IFNLR1: variants seen among roughly 807,000 people sequenced by gnomAD.
The protein encoded by IFNLR1 is CRF2-12.
IFNLR1 carries 28 observed loss-of-function variants against 52.5 expected under a neutral mutation model. The ratio of observed to expected loss-of-function variants is 0.53; its 90% CI spans 0.40 to 0.73. IFNLR1 has a LOEUF of 0.73. IFNLR1 is among the 30% of genes least tolerant of loss of function. The pLI, the probability that IFNLR1 is intolerant of heterozygous loss-of-function variation, is 0.00. For synonymous variants in IFNLR1, 276 were observed against 274.9 expected (o/e 1.00, Z -0.04); for missense variants, 623 against 659.1 (o/e 0.95, Z 0.60).
chr1:24,184,852 C>T (rs1372286979), intron 1 of IFNLR1, among the ~76,000 whole-genome samples: 1 of 152,094 alleles, frequency 6.6e-6, no homozygotes, highest in Non-Finnish European at 1.5e-5. Flanking sequence ...AACCACGTCT[C>T]TTCTAAAAAT....
At chr1:24,168,965 A>G (rs1569662564) in intron 3 of IFNLR1, among the ~76,000 whole-genome samples, 1 of 152,120 alleles carries the variant, frequency 6.6e-6, no homozygotes, top group South Asian at 2.1e-4. Context: ...GGTGGTCTCA[A>G]ACTCCTGACC....
At chr1:24,169,249 G>A (rs1259646122) in intron 3 of IFNLR1, among the ~76,000 whole-genome samples, 168 bp downstream of exon 3, 1 of 152,112 alleles carries the variant, frequency 6.6e-6, no homozygotes. Flanking sequence ...ATGGTCCCTC[G>A]CTGTTGCTGG....
chr1:24,181,154 C>A lies in IFNLR1; in HGVS notation c.59-300G>T, dbSNP rs116354145. Among the ~76,000 whole-genome samples, 638 of 152,336 alleles carry A rather than the reference C, an allele frequency of 4.2e-3. 7 individuals are homozygous for A. Among genetic ancestry groups the A allele is most frequent in the African/African-American group, 0.014 (563 of 41,560 alleles). On this transcript the variant is annotated intron_variant, in intron 1 of 6. Transcript: ENST00000327535. ...CAAGGACCAGGGGCTCTGTCCTGTT[C>A]TCAGCCACATCCCCAGAGCCTGCCT...
At chr1:24,159,382 T>C (rs113804319) in intron 5 of IFNLR1, 92 bp downstream of exon 5, 1 of 1,336,076 alleles carries the variant, frequency 7.5e-7, no homozygotes, top group South Asian at 1.3e-5. Context: ...TCCAGGCGAG[T>C]CTATCTCTAG....
Position 24,187,230 on chromosome 1 carries a change from A to T in IFNLR1, c.19T>A (p.Trp7Arg). MAGPER[W>R]GPLLLCLLQA... ...AGCAGGCACAGGAGCAGGGGGCCCC[A>T]GCGCTCGGGCCCCGCCATGGCCTTC... Residue 7 changes from tryptophan to arginine, a missense_variant, in exon 1 of 7, where the codon TGG (tryptophan) becomes AGG (arginine). Trp to Arg is a moderately radical substitution (Grantham distance 101). Transcript: ENST00000327535. 1.1e-5 allele frequency: 14 copies of T among 1,288,788 alleles called. No homozygotes were observed. The highest frequency in any genetic ancestry group is 1.4e-5 in the Non-Finnish European group (14 of 1,017,794). 79.8% of individuals were successfully genotyped at this position (1,288,788 alleles called of 1,614,324 possible). A position where few individuals can be genotyped will look rare whatever the true frequency, so the allele number is the denominator to read the frequency against.
chr1:24,158,179 G>A (rs1644403183), intron 6 of IFNLR1, among the ~76,000 whole-genome samples: 1 of 152,204 alleles, frequency 6.6e-6, no homozygotes, highest in South Asian at 2.1e-4. Flanking sequence ...ACGCTCCTGG[G>A]CTATTTACCC....
In IFNLR1 at chr1:24,169,618, G is replaced by T. The variant is rs754647312; in HGVS notation, c.183-17C>A. 6.2e-7 allele frequency: 1 copy of T among 1,608,328 alleles called. No individual in the cohort carries two copies. The highest frequency in any genetic ancestry group is 1.3e-5 in the African/African-American group (1 of 74,786). ...GTGGGAGAGCTGGGGGAGGAGAGAG[G>T]AGAGCTTGGGCCATGGACTCAGCCT... On this transcript the variant is annotated splice_polypyrimidine_tract_variant and intron_variant, in intron 2 of 6. Coordinates refer to ENST00000327535, the MANE Select transcript of IFNLR1 (RefSeq NM_170743.4).
chr1:24,179,831 T>G lies in IFNLR1; in HGVS notation c.182+900A>C, dbSNP rs1193514880. ...TTCCTGCTTTCCCCTCCTCACCAAC[T>G]CCAGGTGAATCCTCCCGAGCTTCTG... On this transcript the variant is annotated intron_variant, in intron 2 of 6. Coordinates refer to ENST00000327535, the MANE Select transcript of IFNLR1 (RefSeq NM_170743.4). Among the ~76,000 whole-genome samples, 3 of 152,098 alleles carry G rather than the reference T, an allele frequency of 2.0e-5. No individual in the cohort carries two copies. The South Asian group carries it at 6.2e-4, about 32-fold the overall frequency.
intron 1 of IFNLR1, among the ~76,000 whole-genome samples, chr1:24,182,036 C>T (rs915324503): frequency 2.6e-5 from 4 of 152,058 alleles, no homozygotes; most frequent in African/African-American, 9.7e-5. Flanking sequence ...CTCGTCTCTA[C>T]TAAAAATGCA....
In IFNLR1 at chr1:24,156,618, C is replaced by G. The variant is rs577653508; in HGVS notation, c.*512G>C. Reference sequence around the variant, plus strand: ...TTCCCTTCCCATCCAAAACCCTCAGCCAACTGGATTTTTATCTGGGCCTAA... The same window carrying G: ...TTCCCTTCCCATCCAAAACCCTCAGGCAACTGGATTTTTATCTGGGCCTAA... On this transcript the variant is annotated 3_prime_UTR_variant, in exon 7 of 7. Transcript: ENST00000327535. The G allele has an allele frequency of 1.5e-4, 23 of 154,550 alleles. No individual in the cohort carries two copies. Among genetic ancestry groups the G allele is most frequent in the African/African-American group, 4.8e-4 (20 of 41,600 alleles). 9.6% of individuals were successfully genotyped at this position (154,550 alleles called of 1,614,324 possible).
chr1:24,159,267 C>T (rs1569626345), intron 5 of IFNLR1, 85 bp from the exon 6 acceptor site: 1 of 1,502,352 alleles, frequency 6.7e-7, no homozygotes, highest in South Asian at 1.2e-5. Context: ...ACATACATGA[C>T]CCTATTTAAT....
chr1:24,187,205 A>C lies in IFNLR1; in HGVS notation c.44T>G (p.Leu15Arg). ...ERWGPLLLCL[L>R]QAAPGRPRLA... Reference sequence around the variant, plus strand: ...CGCGCCCTTACCTGGAGCGGCCTGCAGCAGGCACAGGAGCAGGGGGCCCCA... The same window carrying C: ...CGCGCCCTTACCTGGAGCGGCCTGCCGCAGGCACAGGAGCAGGGGGCCCCA... The change falls in exon 1 of 7, where the codon CTG (leucine) becomes CGG (arginine). Residue 15 changes from leucine to arginine, a missense_variant. Transcript: ENST00000327535. 7.5e-7 allele frequency: 1 copy of C among 1,335,684 alleles called. No homozygotes were observed. The highest frequency in any genetic ancestry group is 9.6e-7 in the Non-Finnish European group (1 of 1,043,512). 82.7% of individuals were successfully genotyped at this position (1,335,684 alleles called of 1,614,324 possible). A position where few individuals can be genotyped will look rare whatever the true frequency, so the allele number is the denominator to read the frequency against.
chr1:24,187,223 G>C lies in IFNLR1; in HGVS notation c.26C>G (p.Pro9Arg). ...GGCCTGCAGCAGGCACAGGAGCAGG[G>C]GGCCCCAGCGCTCGGGCCCCGCCAT... Reference protein sequence around the residue: MAGPERWGPLLLCLLQAAP... With the variant: MAGPERWGRLLLCLLQAAP... The change falls in exon 1 of 7, where the codon CCC becomes CGC. Residue 9 changes from proline (P) to arginine (R), a missense_variant. By Grantham distance (103) the Pro-to-Arg change is moderately radical. Transcript: ENST00000327535. 7.7e-7 allele frequency: 1 copy of C among 1,294,170 alleles called. No homozygotes were observed. The highest frequency in any genetic ancestry group is 9.8e-7 in the Non-Finnish European group (1 of 1,020,710). 80.2% of individuals were successfully genotyped at this position (1,294,170 alleles called of 1,614,324 possible). A position where few individuals can be genotyped will look rare whatever the true frequency, so the allele number is the denominator to read the frequency against.
At chr1:24,175,252 G>A (rs1644620206) in intron 2 of IFNLR1, among the ~76,000 whole-genome samples, 1 of 152,246 alleles carries the variant, frequency 6.6e-6, no homozygotes, top group Admixed American at 6.5e-5. Flanking sequence ...CAGCAGGCTA[G>A]GCTGCTGCTA....
At chr1:24,159,727 T>TTTTG (rs745824535) in intron 4 of IFNLR1, 94 bp from the exon 5 acceptor site, 54 of 96,672 alleles carry the variant, frequency 5.6e-4, no homozygotes, top group African/African-American at 4.2e-3. Flanking sequence ...TGGTAGGGTG[T>TTTTG]TTTTTTTTTG....
At chr1:24,161,096 A>G (rs1302906555) in intron 4 of IFNLR1, among the ~76,000 whole-genome samples, 1 of 152,200 alleles carries the variant, frequency 6.6e-6, no homozygotes, top group Non-Finnish European at 1.5e-5. Flanking sequence ...CTTTTGTGCT[A>G]TAACTGCAGC....
Position 24,162,707 on chromosome 1 carries a change from TTTTCTTTCTTTCTTTCTTTTCTTTC to T in IFNLR1, c.368-1048_368-1024del, listed in dbSNP as rs1182917076. Among the ~76,000 whole-genome samples, 31 of 22,198 alleles carry T rather than the reference TTTTCTTTCTTTCTTTCTTTTCTTTC, an allele frequency of 1.4e-3. 5 individuals carry two copies. Among genetic ancestry groups the T allele is most frequent in the African/African-American group, 4.2e-3 (22 of 5,234 alleles). The allele number at this position is 22,198 out of a possible 152,430, so 14.6% of individuals were successfully genotyped here. A position where few individuals can be genotyped will look rare whatever the true frequency, so the allele number is the denominator to read the frequency against. On this transcript the variant is annotated intron_variant, in intron 3 of 6. Coordinates refer to ENST00000327535, the MANE Select transcript of IFNLR1 (RefSeq NM_170743.4). ...GAGGGCAGAACTCACTTTTCTTTTC[TTTTCTTTCTTTCTTTCTTTTCTTTC>T]TTTCTTTCTTTCTTTCTTTCTTTCT...
At chr1:24,179,140 G>A (rs375238871) in intron 2 of IFNLR1, among the ~76,000 whole-genome samples, 1 of 151,536 alleles carries the variant, frequency 6.6e-6, no homozygotes, top group South Asian at 2.1e-4. Context: ...GTAGAGACAG[G>A]GTTTCACCAT....
At chr1:24,185,579 G>A (rs1156733047) in intron 1 of IFNLR1, among the ~76,000 whole-genome samples, 1 of 152,198 alleles carries the variant, frequency 6.6e-6, no homozygotes, top group Non-Finnish European at 1.5e-5. Flanking sequence ...ACCCAAAAGT[G>A]GGTGCCTGCT....
Sources: gnomAD v4.1 joint callset for allele counts (sites outside exome capture counted in the v4.1 genomes callset) on GRCh38, gnomAD v4.1.1 for gene constraint, MANE v1.5 for transcripts, NCBI Gene and HGNC (gene_info 2026-07-23, HGNC 2026-07-21) for gene names.